The following LRRTM4 variants were observed in gnomAD, a reference collection of about 807,000 sequenced individuals.
The protein encoded by LRRTM4 is leucine-rich repeat transmembrane neuronal protein 4.
In LRRTM4, 25 loss-of-function variants were observed where a neutral mutation model predicts 47.6. The ratio of observed to expected loss-of-function variants is 0.53; its 90% CI spans 0.38 to 0.73. The LOEUF (loss-of-function observed/expected upper bound fraction) is 0.73, where lower values mean the gene tolerates loss of function less well. Ranked by LOEUF, LRRTM4 falls within the 30% of genes least tolerant of loss-of-function variation. The pLI is 0.00. For synonymous variants in LRRTM4, 311 were observed against 269.5 expected, an observed-to-expected ratio of 1.15 and a Z score of -1.51; for missense variants, 638 against 713.4, an observed-to-expected ratio of 0.89 and a Z score of 1.20.
At chr2:76,863,386 A>T (rs1480752537) in intron 3 of LRRTM4, among the ~76,000 whole-genome samples, 1 of 152,212 alleles carries the variant, frequency 6.6e-6, no homozygotes, top group Non-Finnish European at 1.5e-5. Flanking sequence ...CAATAGTAAT[A>T]CAGCCTTTTA....
At chr2:76,890,580 A>G (rs1673219951) in intron 3 of LRRTM4, among the ~76,000 whole-genome samples, 1 of 151,976 alleles carries the variant, frequency 6.6e-6, no homozygotes. Flanking sequence ...AATAAACATC[A>G]GATAAGAAAA....
intron 3 of LRRTM4, among the ~76,000 whole-genome samples, chr2:76,990,455 G>T (rs1361663686): frequency 6.6e-6 from 1 of 151,660 alleles, no homozygotes; most frequent in Non-Finnish European, 1.5e-5. Flanking sequence ...GTTGGAAAAA[G>T]ATGTGTCAGG....
At chr2:77,069,534 T>C (rs1249801018) in intron 3 of LRRTM4, among the ~76,000 whole-genome samples, 4 of 152,130 alleles carry the variant, frequency 2.6e-5, no homozygotes, top group South Asian at 4.1e-4. Flanking sequence ...TTCTGGACTT[T>C]TAATTTTGTA....
intron 3 of LRRTM4, among the ~76,000 whole-genome samples, chr2:77,258,071 G>A (rs1675818192): frequency 1.3e-5 from 2 of 149,538 alleles, no homozygotes; most frequent in Admixed American, 6.7e-5. Flanking sequence ...ACTCTAGCCT[G>A]AGCAACAAGA....
intron 3 of LRRTM4, among the ~76,000 whole-genome samples, chr2:76,954,959 C>G (rs1675624002): frequency 6.6e-6 from 1 of 151,678 alleles, no homozygotes; most frequent in Non-Finnish European, 1.5e-5. Flanking sequence ...CCAGCCATAA[C>G]ATAAATACCA....
At chr2:77,172,987 C>T in intron 3 of LRRTM4, among the ~76,000 whole-genome samples, 1 of 152,160 alleles carries the variant, frequency 6.6e-6, no homozygotes, top group East Asian at 1.9e-4. Flanking sequence ...ACATGGGATT[C>T]CCCTGTAGAT....
chr2:77,290,838 G>A (rs1676803696), intron 3 of LRRTM4, among the ~76,000 whole-genome samples: 1 of 151,922 alleles, frequency 6.6e-6, no homozygotes, highest in Admixed American at 6.6e-5. Context: ...AGCCATACAT[G>A]ATTATTTTAG....
At chr2:77,270,115 CA>C (rs1269571290) in intron 3 of LRRTM4, among the ~76,000 whole-genome samples, 1 of 152,218 alleles carries the variant, frequency 6.6e-6, no homozygotes, top group East Asian at 1.9e-4. Flanking sequence ...AGCACTTATA[CA>C]TCTACATCCC....
At chr2:76,901,663 G>C (rs1673638409) in intron 3 of LRRTM4, among the ~76,000 whole-genome samples, 1 of 152,150 alleles carries the variant, frequency 6.6e-6, no homozygotes, top group Non-Finnish European at 1.5e-5. Flanking sequence ...AGAATGACAT[G>C]TTACTGTCTG....
At chr2:77,100,409 G>T (rs893345411) in intron 3 of LRRTM4, among the ~76,000 whole-genome samples, 3 of 152,082 alleles carry the variant, frequency 2.0e-5, no homozygotes, top group African/African-American at 4.8e-5. Context: ...ACGATGGAGC[G>T]CATTGCCTCC....
intron 3 of LRRTM4, among the ~76,000 whole-genome samples, chr2:77,367,760 G>C (rs1484527733): frequency 6.6e-6 from 1 of 151,760 alleles, no homozygotes; most frequent in Non-Finnish European, 1.5e-5. Context: ...GGCCTTCAAG[G>C]TCTGGATTGA....
intron 3 of LRRTM4, among the ~76,000 whole-genome samples, chr2:76,866,318 G>A (rs936550668): frequency 3.3e-5 from 5 of 152,126 alleles, no homozygotes; most frequent in South Asian, 4.1e-4. Context: ...TGAAGAGCTC[G>A]CCTACATGAA....
intron 3 of LRRTM4, among the ~76,000 whole-genome samples, chr2:76,840,791 A>T (rs1671651685): frequency 6.6e-6 from 1 of 152,102 alleles, no homozygotes; most frequent in South Asian, 2.1e-4. Context: ...GCTGGAGAGG[A>T]TGTAGAGAAA....
intron 3 of LRRTM4, among the ~76,000 whole-genome samples, chr2:77,377,559 G>A (rs998454392): frequency 2.0e-5 from 3 of 151,808 alleles, no homozygotes; most frequent in African/African-American, 7.3e-5. Flanking sequence ...TCTTTTCTGT[G>A]TCTCTGACTT....
chr2:77,439,632 C>T (rs1001869387), intron 3 of LRRTM4, among the ~76,000 whole-genome samples: 1 of 151,812 alleles, frequency 6.6e-6, no homozygotes, highest in African/African-American at 2.4e-5. Flanking sequence ...AAATTTAATG[C>T]AATAAGAATT....
At chr2:77,131,123 C>T (rs896285997) in intron 3 of LRRTM4, among the ~76,000 whole-genome samples, 3 of 152,162 alleles carry the variant, frequency 2.0e-5, no homozygotes, top group South Asian at 2.1e-4. Context: ...CGTCAGCCAC[C>T]GCGCCCGGCC....
chr2:76,747,887 A>G lies in LRRTM4; in HGVS notation c.*808T>C, dbSNP rs1403078242. ...CATATCTCTCTTATAGCCTTAGTCCACATGAGAATGATTCTGCTGGTCTTC... is the reference window on the plus strand; with the variant it reads ...CATATCTCTCTTATAGCCTTAGTCCGCATGAGAATGATTCTGCTGGTCTTC... On this transcript the variant is annotated 3_prime_UTR_variant, in exon 4 of 4. Transcript: ENST00000409884. The G allele has an allele frequency of 6.6e-6, 1 of 152,220 alleles. No individual in the cohort carries two copies. Among genetic ancestry groups the G allele is most frequent in the Non-Finnish European group, 1.5e-5 (1 of 68,042 alleles). The allele number at this position is 152,220 out of a possible 1,614,324, so 9.4% of individuals were successfully genotyped here.
In LRRTM4 at chr2:77,522,181, G is replaced by A. The variant is rs940645602; in HGVS notation, c.-220C>T. The A allele has an allele frequency of 2.8e-6, 2 of 713,414 alleles. No homozygotes were observed. Among genetic ancestry groups the A allele is most frequent in the Non-Finnish European group, 2.6e-6 (1 of 382,748 alleles). The allele number at this position is 713,414 out of a possible 1,614,324, so 44.2% of individuals were successfully genotyped here. On this transcript the variant is annotated 5_prime_UTR_variant, in exon 1 of 4. Coordinates refer to ENST00000409884, the MANE Select transcript of LRRTM4 (RefSeq NM_001134745.3). ...TTCATCCTCTGGATTTTCAGTTCTT[G>A]AAGCAAGTAGGCCTCCTGTGCTGTA...
chr2:76,990,273 A>C (rs1676956497), intron 3 of LRRTM4, among the ~76,000 whole-genome samples: 1 of 151,822 alleles, frequency 6.6e-6, no homozygotes, highest in African/African-American at 2.4e-5. Context: ...TGACCAGCTA[A>C]CAACTTCATG....
Sources: allele counts gnomAD v4.1 joint callset (sites outside exome capture counted in the v4.1 genomes callset), GRCh38; gene constraint gnomAD v4.1.1; transcripts MANE v1.5; gene names NCBI Gene and HGNC (gene_info 2026-07-23, HGNC 2026-07-21).